The following GRM8 variants were observed in gnomAD, a reference collection of about 807,000 sequenced individuals.
GRM8 encodes the protein glutamate metabotropic receptor 8, also known as metabotropic glutamate receptor 8.
In GRM8, 47 loss-of-function variants were observed where a neutral mutation model predicts 87.2. The ratio of observed to expected loss-of-function variants is 0.54; its 90% CI spans 0.43 to 0.69. GRM8 has a LOEUF of 0.69. Among genes scored for constraint, GRM8 ranks in the 30% least tolerant of loss-of-function variants. GRM8 has a pLI of 0.00. For synonymous variants in GRM8, 396 were observed against 404.5 expected (o/e 0.98, Z 0.25); for missense variants, 1,019 against 1,139.2 (o/e 0.89, Z 1.52).
intron 3 of GRM8, among the ~76,000 whole-genome samples, chr7:126,938,468 T>C (rs1157364113): frequency 6.6e-6 from 1 of 152,176 alleles, no homozygotes; most frequent in Non-Finnish European, 1.5e-5. Context: ...AGCAAAGTGG[T>C]TTGAGTGCAA....
At chr7:127,059,272 T>C (rs906571669) in intron 3 of GRM8, among the ~76,000 whole-genome samples, 5 of 151,798 alleles carry the variant, frequency 3.3e-5, no homozygotes, top group Admixed American at 1.3e-4. Context: ...TTAGACTAAA[T>C]CCGTCATTTT....
intron 7 of GRM8, among the ~76,000 whole-genome samples, chr7:126,711,478 A>G (rs923003456): frequency 1.3e-5 from 2 of 152,254 alleles, no homozygotes; most frequent in African/African-American, 4.8e-5. Flanking sequence ...GACTAGATTT[A>G]GCATAATTCT....
chr7:127,106,390 T>C, intron 3 of GRM8, 106 bp downstream of exon 3: 1 of 843,166 alleles, frequency 1.2e-6, no homozygotes, highest in Admixed American at 2.1e-5. Context: ...TTCATGCATC[T>C]GTAGGAGTTC....
chr7:126,719,895 G>A lies in GRM8; in HGVS notation c.1357+49970C>T, dbSNP rs143475760. Among the ~76,000 whole-genome samples, 6 of 145,948 alleles carry A rather than the reference G, an allele frequency of 4.1e-5. No individual in the cohort carries two copies. The East Asian group carries it at 8.0e-4, about 20-fold the overall frequency. On this transcript the variant is annotated intron_variant, in intron 7 of 10. Transcript: ENST00000339582. ...TACAAGGTATTTACTGATTTCTATA[G>A]CAAGTTCTATATTTTTTCTTTTCCC...
intron 2 of GRM8, among the ~76,000 whole-genome samples, chr7:127,208,944 C>T (rs937144211): frequency 2.0e-5 from 3 of 152,134 alleles, no homozygotes; most frequent in South Asian, 4.1e-4. Flanking sequence ...TACATAGTTC[C>T]CAGTTCCATT....
At chr7:127,136,604 C>T (rs958287702) in intron 2 of GRM8, among the ~76,000 whole-genome samples, 2 of 151,712 alleles carry the variant, frequency 1.3e-5, no homozygotes, top group South Asian at 2.1e-4. Flanking sequence ...ATCCTGGTAC[C>T]GAAGCTCAGC....
chr7:126,973,370 A>T (rs1810628454), intron 3 of GRM8, among the ~76,000 whole-genome samples: 1 of 152,222 alleles, frequency 6.6e-6, no homozygotes, highest in Admixed American at 6.5e-5. Context: ...ACTAATACAT[A>T]CATGTCCTTG....
intron 9 of GRM8, among the ~76,000 whole-genome samples, chr7:126,523,007 T>G (rs1223937493): frequency 1.3e-5 from 2 of 152,242 alleles, no homozygotes; most frequent in Non-Finnish European, 2.9e-5. Flanking sequence ...AATGCCATCA[T>G]CAGCTATAAG....
intron 6 of GRM8, among the ~76,000 whole-genome samples, chr7:126,900,808 C>T (rs1278243541): frequency 6.6e-6 from 1 of 152,142 alleles, no homozygotes; most frequent in East Asian, 1.9e-4. Context: ...CCGTGCCCGG[C>T]CCCTAGTTAG....
intron 3 of GRM8, among the ~76,000 whole-genome samples, chr7:127,043,704 T>C (rs1331857088): frequency 6.6e-6 from 1 of 152,156 alleles, no homozygotes; most frequent in Non-Finnish European, 1.5e-5. Context: ...ACATGGCACA[T>C]GTATACATAT....
intron 9 of GRM8, among the ~76,000 whole-genome samples, chr7:126,500,884 C>T (rs1175180247): frequency 1.3e-5 from 2 of 151,852 alleles, no homozygotes; most frequent in African/African-American, 4.8e-5. Context: ...TGAATGTTTG[C>T]TTATTTTGTA....
At chr7:126,500,046 T>C (rs904645920) in intron 9 of GRM8, among the ~76,000 whole-genome samples, 1 of 151,956 alleles carries the variant, frequency 6.6e-6, no homozygotes, top group Non-Finnish European at 1.5e-5. Context: ...ATTTATCACC[T>C]CAAGTACTTA....
At position 126,533,174 on chromosome 7, in the gene GRM8, G is replaced by A. The variant is rs1413767480; in HGVS notation, c.2208C>T (p.Ala736=). Residue 736 remains alanine (A), a synonymous_variant, in exon 9 of 11, where the codon GCC becomes GCT. Transcript: ENST00000339582. ...AAATGTCACACTTGAGCACTCCCCT[G>A]GCCTTCTCTGGATCTAGTGTCCGCT... is the stretch of plus-strand genomic sequence containing the variant. ...GEQRTLDPEK[A]RGVLKCDISD... 1 of 1,612,650 alleles carries A rather than the reference G, an allele frequency of 6.2e-7. No homozygotes were observed. Among genetic ancestry groups the A allele is most frequent in the African/African-American group, 1.3e-5 (1 of 74,578 alleles).
At position 126,966,775 on chromosome 7, in the gene GRM8, G is replaced by A. The variant is rs554637599; in HGVS notation, c.728-62092C>T. Among the ~76,000 whole-genome samples, 21 of 152,092 alleles carry A rather than the reference G, an allele frequency of 1.4e-4. No individual in the cohort carries two copies. In the South Asian group the frequency reaches 1.9e-3, roughly 14 times the overall value. Reference sequence around the variant, plus strand: ...ACAGAAATAATTTGCTACTCAACTCGCTCCTAGATGTTCAGAAAAAAATGA... The same window carrying A: ...ACAGAAATAATTTGCTACTCAACTCACTCCTAGATGTTCAGAAAAAAATGA... On this transcript the variant is annotated intron_variant, in intron 3 of 10. Coordinates refer to ENST00000339582, the MANE Select transcript of GRM8 (RefSeq NM_000845.3).
chr7:126,711,540 A>G (rs1811093634), intron 7 of GRM8, among the ~76,000 whole-genome samples: 1 of 152,210 alleles, frequency 6.6e-6, no homozygotes, highest in Non-Finnish European at 1.5e-5. Context: ...TTCAATTTAA[A>G]GTCACTAGCT....
intron 3 of GRM8, among the ~76,000 whole-genome samples, chr7:126,938,515 G>C (rs1252437864): frequency 6.6e-6 from 1 of 152,148 alleles, no homozygotes; most frequent in Non-Finnish European, 1.5e-5. Context: ...ATGAGCTAAA[G>C]GTGAGGACCT....
At chr7:126,613,283 G>C (rs888017783) in intron 7 of GRM8, among the ~76,000 whole-genome samples, 4 of 110,146 alleles carry the variant, frequency 3.6e-5, no homozygotes, top group Non-Finnish European at 8.7e-5. Flanking sequence ...ATTAAGTGGC[G>C]AATTTTTTTT....
intron 8 of GRM8, among the ~76,000 whole-genome samples, chr7:126,586,489 C>T (rs558059987): frequency 2.6e-5 from 4 of 152,054 alleles, no homozygotes; most frequent in Admixed American, 6.6e-5. Context: ...GAGATACAGA[C>T]CAATGGAACA....
chr7:126,850,747 A>AAAATATT (rs994436971), intron 6 of GRM8, among the ~76,000 whole-genome samples: 5 of 152,234 alleles, frequency 3.3e-5, no homozygotes, highest in Admixed American at 1.3e-4. Context: ...TCTTCTTTAA[A>AAAATATT]AAATATTCAT....
Sources: allele counts gnomAD v4.1 joint callset (sites outside exome capture counted in the v4.1 genomes callset), GRCh38; gene constraint gnomAD v4.1.1; transcripts MANE v1.5; gene names NCBI Gene and HGNC (gene_info 2026-07-23, HGNC 2026-07-21).